The following AGO2 variants were observed in gnomAD, a reference collection of about 807,000 sequenced individuals.
AGO2 encodes protein argonaute-2.
In AGO2, 5 loss-of-function variants were observed where a neutral mutation model predicts 102.3. That is an observed-to-expected ratio of 0.05 (90% CI 0.03 to 0.10). The LOEUF (loss-of-function observed/expected upper bound fraction) is 0.10. AGO2 is among the 10% of genes least tolerant of loss of function. AGO2 has a pLI of 1.00. For synonymous variants in AGO2, 449 were observed against 473.1 expected, an observed-to-expected ratio of 0.95 and a Z score of 0.66; for missense variants, 541 against 1,183.7, an observed-to-expected ratio of 0.46 and a Z score of 7.97.
intron 1 of AGO2, among the ~76,000 whole-genome samples, chr8:140,598,823 A>T (rs929817138): frequency 1.3e-5 from 2 of 152,160 alleles, no homozygotes; most frequent in African/African-American, 4.8e-5. Context: ...CTCTTCTCCA[A>T]AGTTTTCAGG....
intron 1 of AGO2, among the ~76,000 whole-genome samples, chr8:140,587,345 C>T (rs555594522): frequency 2.6e-5 from 4 of 152,338 alleles, no homozygotes; most frequent in South Asian, 2.1e-4. Context: ...CGTGAAGGCA[C>T]GTGGAATATA....
At chr8:140,602,680 T>G (rs2073948363) in intron 1 of AGO2, among the ~76,000 whole-genome samples, 1 of 152,234 alleles carries the variant, frequency 6.6e-6, no homozygotes, top group South Asian at 2.1e-4. Flanking sequence ...GAGGGATACT[T>G]AAAAGCAAAT....
rs548154648 is a variant in AGO2 at position 140,542,219 on chromosome 8, G to A, written c.1840-861C>T. Among the ~76,000 whole-genome samples, 22 of 152,224 alleles carry A rather than the reference G, an allele frequency of 1.4e-4. No individual in the cohort carries two copies. The South Asian group carries it at 3.1e-3, about 21-fold the overall frequency. ...GGAACCGGGTAGATCCCCACGTGTC[G>A]CTCCACCCTCTGGCTGCGGAAGGAA... On this transcript the variant is annotated intron_variant, in intron 14 of 18. Coordinates refer to ENST00000220592, the MANE Select transcript of AGO2 (RefSeq NM_012154.5).
chr8:140,631,146 A>T (rs931218940), intron 1 of AGO2, among the ~76,000 whole-genome samples: 3 of 152,116 alleles, frequency 2.0e-5, no homozygotes, highest in African/African-American at 7.2e-5. Context: ...AACAAAACGG[A>T]GCCCAAAAAA....
intron 2 of AGO2, among the ~76,000 whole-genome samples, chr8:140,578,506 CCTT>C (rs1189155335): frequency 1.3e-5 from 2 of 152,220 alleles, no homozygotes; most frequent in Non-Finnish European, 2.9e-5. Context: ...TGAATCTGGT[CCTT>C]CGTTTCGAGC....
Position 140,614,015 on chromosome 8 carries a change from CAAAAAAAAAAAAAAA to C in AGO2, c.22+21455_22+21469del, listed in dbSNP as rs59000809. 6.1e-4 allele frequency among the ~76,000 whole-genome samples: 35 copies of C among 57,634 alleles called. No individual in the cohort carries two copies. The Admixed American group carries it at 9.2e-3, about 15-fold the overall frequency. 37.8% of individuals were successfully genotyped at this position (57,634 alleles called of 152,430 possible). On this transcript the variant is annotated intron_variant, in intron 1 of 18. Transcript: ENST00000220592. ...TGGGCAACAGAGCAAGACCCTGTCT[CAAAAAAAAAAAAAAA>C]AAAAAAAAAAGGCCAGACACGGTGG...
chr8:140,605,003 T>G (rs555165455), intron 1 of AGO2, among the ~76,000 whole-genome samples: 3 of 152,324 alleles, frequency 2.0e-5, no homozygotes, highest in African/African-American at 7.2e-5. Context: ...TATGTGGGAT[T>G]TGCTTCAAAA....
rs1046122078 is a variant in AGO2, at chr8:140,524,941, T to A, written c.*7103A>T. The stretch of plus-strand genomic sequence containing the variant: ...CCCAACGTCCAGTTCCTGGAGACAC[T>A]TGGGGGAAAGAGTTAATATTTGGTG... On this transcript the variant is annotated 3_prime_UTR_variant, in exon 19 of 19. Coordinates refer to ENST00000220592, the MANE Select transcript of AGO2 (RefSeq NM_012154.5). 6.6e-6 allele frequency: 1 copy of A among 152,196 alleles called. No individual in the cohort carries two copies. The highest frequency in any genetic ancestry group is 2.4e-5 in the African/African-American group (1 of 41,446). The allele number at this position is 152,196 out of a possible 1,614,324, so 9.4% of individuals were successfully genotyped here.
intron 10 of AGO2, among the ~76,000 whole-genome samples, chr8:140,553,252 G>A (rs1273499332): frequency 6.6e-6 from 1 of 151,836 alleles, no homozygotes; most frequent in Non-Finnish European, 1.5e-5. Context: ...TGGGTGTGGT[G>A]GTGTGGCTGT....
At chr8:140,595,980 T>C (rs1358118243) in intron 1 of AGO2, among the ~76,000 whole-genome samples, 23 of 126,776 alleles carry the variant, frequency 1.8e-4, no homozygotes, top group African/African-American at 6.2e-4. Flanking sequence ...ATATATATTA[T>C]ATAATATATA....
upstream of AGO2, chr8:140,638,397 A>G (rs1201486896): frequency 6.6e-6 from 1 of 152,240 alleles, no homozygotes; most frequent in Non-Finnish European, 1.5e-5. Context: ...GCCTGTAGCA[A>G]GGTGAGAAGA....
At position 140,544,210 on chromosome 8, in the gene AGO2, C is replaced by T; in HGVS notation, c.1839+3G>A. The T allele has an allele frequency of 6.3e-7, 1 of 1,583,540 alleles. No individual in the cohort carries two copies. The highest frequency in any genetic ancestry group is 8.6e-7 in the Non-Finnish European group (1 of 1,169,416). Reference sequence around the variant, plus strand: ...AGACCCATGGGGAAGCGCTGACACTCACGGCGGCAATGGAGGGCTTCTTCC... The same window carrying T: ...AGACCCATGGGGAAGCGCTGACACTTACGGCGGCAATGGAGGGCTTCTTCC... On this transcript the variant is annotated splice_donor_region_variant and intron_variant, in intron 14 of 18. Coordinates refer to ENST00000220592, the MANE Select transcript of AGO2 (RefSeq NM_012154.5).
chr8:140,545,353 C>T (rs912671817), intron 13 of AGO2, among the ~76,000 whole-genome samples: 1 of 152,200 alleles, frequency 6.6e-6, no homozygotes, highest in African/African-American at 2.4e-5. Context: ...TGCGTCTGGC[C>T]CGCTGCAGGA....
At chr8:140,554,282 C>T (rs903985431) in intron 10 of AGO2, among the ~76,000 whole-genome samples, 5 of 152,106 alleles carry the variant, frequency 3.3e-5, no homozygotes, top group Non-Finnish European at 5.9e-5. Context: ...TCTGGGGCCT[C>T]GGGGGACAAG....
chr8:140,576,018 T>C (rs2073458137), intron 2 of AGO2, among the ~76,000 whole-genome samples: 1 of 152,056 alleles, frequency 6.6e-6, no homozygotes, highest in Non-Finnish European at 1.5e-5. Flanking sequence ...GAGGCACCAT[T>C]ATAAAAATGA....
At chr8:140,548,965 A>G in intron 12 of AGO2, 149 bp downstream of exon 12, 1 of 976,848 alleles carries the variant, frequency 1.0e-6, no homozygotes, top group Admixed American at 3.0e-5. Context: ...GGCAGTGATG[A>G]CAAGCCACCT....
chr8:140,624,471 C>T (rs1000010494), intron 1 of AGO2, among the ~76,000 whole-genome samples: 4 of 152,224 alleles, frequency 2.6e-5, no homozygotes, highest in East Asian at 1.9e-4. Flanking sequence ...CCTCCAGCTC[C>T]GGCCACCAAT....
intron 1 of AGO2, among the ~76,000 whole-genome samples, chr8:140,617,679 A>G (rs2074158039): frequency 6.6e-6 from 1 of 152,196 alleles, no homozygotes; most frequent in South Asian, 2.1e-4. Context: ...GTCCCACAGG[A>G]GCCCACCCTC....
intron 8 of AGO2, 52 bp from the exon 9 acceptor site, chr8:140,556,338 G>C: frequency 3.7e-6 from 6 of 1,602,776 alleles, no homozygotes; most frequent in East Asian, 2.2e-5. Context: ...GAGTGACCAG[G>C]GGAGCAGGCA....
Sources: gnomAD v4.1 joint callset for allele counts (sites outside exome capture counted in the v4.1 genomes callset) on GRCh38, gnomAD v4.1.1 for gene constraint, MANE v1.5 for transcripts, NCBI Gene and HGNC (gene_info 2026-07-23, HGNC 2026-07-21) for gene names.